ORC4: variants seen among roughly 807,000 people sequenced by gnomAD.
ORC4 encodes the protein origin recognition complex, subunit 4 homolog.
In ORC4, 55 loss-of-function variants were observed where a neutral mutation model predicts 63.9. That is an observed-to-expected ratio of 0.86 (90% CI 0.69 to 1.08). The LOEUF is 1.08. ORC4 is among the 50% of genes least tolerant of loss of function. ORC4 has a pLI of 0.00. For synonymous variants in ORC4, 150 were observed against 168.5 expected, an observed-to-expected ratio of 0.89 and a Z score of 0.85; for missense variants, 511 against 504.4, an observed-to-expected ratio of 1.01 and a Z score of -0.13.
chr2:147,985,290 G>C (rs988867528), intron 1 of ORC4, among the ~76,000 whole-genome samples: 1 of 151,982 alleles, frequency 6.6e-6, no homozygotes, highest in African/African-American at 2.4e-5. Context: ...TCCACCTCCC[G>C]GGTTCACACC....
chr2:147,979,063 G>GCC (rs1233189074), intron 1 of ORC4, among the ~76,000 whole-genome samples: 1 of 152,082 alleles, frequency 6.6e-6, no homozygotes, highest in East Asian at 1.9e-4. Flanking sequence ...TGACAAGAAT[G>GCC]CCCACTTTGG....
intron 4 of ORC4, among the ~76,000 whole-genome samples, chr2:147,971,493 A>G (rs1690207595): frequency 1.3e-5 from 2 of 151,964 alleles, no homozygotes; most frequent in South Asian, 4.1e-4. Context: ...GATGAAAAAG[A>G]AGTGTATGAA....
intron 1 of ORC4, among the ~76,000 whole-genome samples, chr2:148,017,291 CTT>C (rs1362857162): frequency 2.0e-5 from 3 of 152,194 alleles, no homozygotes; most frequent in Non-Finnish European, 4.4e-5. Context: ...TTCATACTGT[CTT>C]TGAAATATGG....
chr2:147,954,986 T>C (rs528654210), intron 7 of ORC4, among the ~76,000 whole-genome samples: 19 of 151,978 alleles, frequency 1.3e-4, no homozygotes, highest in Admixed American at 5.9e-4. Flanking sequence ...CAAAAGCCCA[T>C]AATTGGTGAT....
intron 1 of ORC4, among the ~76,000 whole-genome samples, chr2:147,978,713 C>T (rs541454157): frequency 6.6e-6 from 1 of 152,202 alleles, no homozygotes; most frequent in Admixed American, 6.5e-5. Flanking sequence ...CAAAAATCCT[C>T]AACAAATACT....
rs1022614790 is a variant in ORC4 at position 147,932,255 on chromosome 2, G to A, written c.*3255C>T. The A allele has an allele frequency of 6.6e-6, 1 of 151,928 alleles. No homozygotes were observed. Among genetic ancestry groups the A allele is most frequent in the Non-Finnish European group, 1.5e-5 (1 of 68,000 alleles). The allele number at this position is 151,928 out of a possible 1,614,324, so 9.4% of individuals were successfully genotyped here. A position where few individuals can be genotyped will look rare whatever the true frequency, so the allele number is the denominator to read the frequency against. On this transcript the variant is annotated 3_prime_UTR_variant, in exon 14 of 14. Transcript: ENST00000392857. ...TAGGAATCCAACTTACAAGGGATGT[G>A]AAGGACCTCTTCAAGGAGAACTACA...
In ORC4 at chr2:147,968,171, G is replaced by C. The variant is rs17225409; in HGVS notation, c.225+4568C>G. On this transcript the variant is annotated intron_variant, in intron 4 of 13. Coordinates refer to ENST00000392857, the MANE Select transcript of ORC4 (RefSeq NM_181741.4). ...AATAGATCAAAGACCTCAATGTTAA[G>C]ACCTGAAACTATAAAACTACTAGAA... Among the ~76,000 whole-genome samples the C allele has an allele frequency of 9.7e-4, 148 of 152,006 alleles. 4 individuals carry two copies. The East Asian group carries it at 0.027, about 28-fold the overall frequency.
intron 1 of ORC4, among the ~76,000 whole-genome samples, chr2:148,008,817 C>A (rs1036117720): frequency 3.3e-5 from 5 of 152,120 alleles, no homozygotes; most frequent in Non-Finnish European, 7.3e-5. Context: ...AATGTGCGCT[C>A]ACCATTGTTC....
chr2:147,979,426 T>C (rs1484437604), intron 1 of ORC4, among the ~76,000 whole-genome samples: 1 of 152,110 alleles, frequency 6.6e-6, no homozygotes, highest in East Asian at 1.9e-4. Context: ...ACAATATTGA[T>C]GAAAGAAAGT....
chr2:148,017,248 T>C (rs1404345605), intron 1 of ORC4, among the ~76,000 whole-genome samples: 1 of 152,234 alleles, frequency 6.6e-6, no homozygotes, highest in African/African-American at 2.4e-5. Flanking sequence ...CAACATGTAA[T>C]CATAATGAAA....
rs1687707869 is a variant in ORC4 at position 147,931,140 on chromosome 2, A to C, written c.*4370T>G. On this transcript the variant is annotated 3_prime_UTR_variant, in exon 14 of 14. Transcript: ENST00000392857. ...TTTGTTCTTGTGATAGTTTACTGAG[A>C]ATGATGATTTCCAATTTCATCCATG... The C allele has an allele frequency of 6.7e-6, 1 of 149,832 alleles. No homozygotes were observed. Among genetic ancestry groups the C allele is most frequent in the Non-Finnish European group, 1.5e-5 (1 of 67,576 alleles). 9.3% of individuals were successfully genotyped at this position (149,832 alleles called of 1,614,324 possible).
At chr2:147,959,010 A>G in intron 4 of ORC4, 144 bp from the exon 5 acceptor site, 1 of 549,838 alleles carries the variant, frequency 1.8e-6, no homozygotes, top group East Asian at 3.0e-5. Context: ...TACAGATAAA[A>G]GGTTTAACTA....
At chr2:147,991,048 ATCTT>A (rs1014973402) in intron 1 of ORC4, among the ~76,000 whole-genome samples, 1 of 128,268 alleles carries the variant, frequency 7.8e-6, no homozygotes, top group African/African-American at 3.1e-5. Context: ...ATACATATAT[ATCTT>A]TTTTTTTTTT....
chr2:147,948,109 G>A lies in ORC4; in HGVS notation c.704C>T (p.Ser235Phe), dbSNP rs1423220954. The change falls in exon 9 of 14, where the codon TCT becomes TTT. Residue 235 changes from serine to phenylalanine, a missense_variant. Transcript: ENST00000392857. ...QYVKIFKEQL[S>F]LPAEFPDKVF... ...CTTGTCTGGAAACTCTGCAGGTAGA[G>A]ATAACTGTTCTTTAAATATTTTAAC... 6 of 1,611,520 alleles carry A rather than the reference G, an allele frequency of 3.7e-6. No individual in the cohort carries two copies. The highest frequency in any genetic ancestry group is 5.1e-6 in the Non-Finnish European group (6 of 1,178,114).
intron 1 of ORC4, among the ~76,000 whole-genome samples, chr2:147,984,775 C>A (rs899430529): frequency 1.3e-5 from 2 of 152,188 alleles, no homozygotes; most frequent in African/African-American, 4.8e-5. Flanking sequence ...ACAATCTATA[C>A]CTTTACAAAG....
At chr2:147,946,850 A>T (rs1347051056) in intron 9 of ORC4, among the ~76,000 whole-genome samples, 3 of 152,076 alleles carry the variant, frequency 2.0e-5, no homozygotes, top group African/African-American at 7.2e-5. Flanking sequence ...TTGTAGACCA[A>T]GTAATTATTC....
Position 147,935,468 on chromosome 2 carries a change from G to T in ORC4, c.*42C>A. On this transcript the variant is annotated 3_prime_UTR_variant, in exon 14 of 14. Coordinates refer to ENST00000392857, the MANE Select transcript of ORC4 (RefSeq NM_181741.4). The stretch of plus-strand genomic sequence containing the variant: ...GGACAATAGTTTTCCGTTCTCTACA[G>T]AAGTATGAATGAAATGCCAAAGTTG... 1 of 1,414,994 alleles carries T rather than the reference G, an allele frequency of 7.1e-7. No homozygotes were observed. Among genetic ancestry groups the T allele is most frequent in the Non-Finnish European group, 1.0e-6 (1 of 998,834 alleles). The allele number at this position is 1,414,994 out of a possible 1,614,324, so 87.7% of individuals were successfully genotyped here. A position where few individuals can be genotyped will look rare whatever the true frequency, so the allele number is the denominator to read the frequency against.
chr2:147,976,071 A>G, intron 1 of ORC4, 96 bp from the exon 2 acceptor site: 1 of 730,650 alleles, frequency 1.4e-6, no homozygotes, highest in Non-Finnish European at 2.4e-6. Context: ...ACAAGTTTTT[A>G]AAAGTAAAAA....
At chr2:148,013,128 T>C (rs2105469929) in intron 1 of ORC4, among the ~76,000 whole-genome samples, 1 of 152,280 alleles carries the variant, frequency 6.6e-6, no homozygotes, top group East Asian at 1.9e-4. Flanking sequence ...AAGGTATCTG[T>C]ACTCCCATGT....
Sources: allele counts gnomAD v4.1 joint callset (sites outside exome capture counted in the v4.1 genomes callset), GRCh38; gene constraint gnomAD v4.1.1; transcripts MANE v1.5; gene names NCBI Gene and HGNC (gene_info 2026-07-23, HGNC 2026-07-21).